Variants in BLM observed in about 807,000 individuals in gnomAD.
The protein encoded by BLM is BLM RecQ like helicase, also known as recQ-like DNA helicase BLM.
Under a neutral mutation model 135.3 loss-of-function variants are expected in BLM, and 95 were observed. The ratio of observed to expected loss-of-function variants is 0.70; its 90% CI spans 0.59 to 0.83. BLM has a LOEUF of 0.83. BLM is among the 40% of genes least tolerant of loss of function. BLM has a pLI of 0.00. For missense variants in BLM, 1,518 were observed against 1,663.9 expected (o/e 0.91, Z 1.53); for synonymous variants, 520 against 589.2 (o/e 0.88, Z 1.70).
intron 17 of BLM, among the ~76,000 whole-genome samples, chr15:90,799,823 C>T (rs1737467101): frequency 6.6e-6 from 1 of 151,144 alleles, no homozygotes; most frequent in Non-Finnish European, 1.5e-5. Flanking sequence ...TAGGAGTTCA[C>T]AGAAAAATGT....
rs1555418242 is a variant in BLM, at chr15:90,749,402, A to G, written c.134A>G (p.Asn45Ser). 2.2e-5 allele frequency: 35 copies of G among 1,606,862 alleles called. No homozygotes were observed. The East Asian group carries it at 7.6e-4, about 35-fold the overall frequency. ...TTTAAAAAGAAAACATCTTCAGATA[A>G]CAATGTATCTGTAACTAATGTGTCA... ...FTFKKKTSSDNNVSVTNVSVA... is the reference protein window; with the variant it reads ...FTFKKKTSSDSNVSVTNVSVA... The change falls in exon 3 of 22, where the codon AAC (asparagine) becomes AGC (serine). Residue 45 changes from asparagine to serine, a missense_variant. By Grantham distance (46) the Asn-to-Ser change is conservative. This residue lies in a region of BLM where 724 missense variants were observed against 756.9 expected (regional missense o/e 0.96). Transcript: ENST00000355112.
At chr15:90,801,198 A>C (rs1897158619) in intron 17 of BLM, among the ~76,000 whole-genome samples, 1 of 152,076 alleles carries the variant, frequency 6.6e-6, no homozygotes, top group Non-Finnish European at 1.5e-5. Context: ...ATGTACAAAA[A>C]AGTCATCCAT....
At chr15:90,764,972 G>A (rs188917522) in intron 8 of BLM, among the ~76,000 whole-genome samples, 35 of 152,240 alleles carry the variant, frequency 2.3e-4, no homozygotes, top group Non-Finnish European at 4.3e-4. Flanking sequence ...GGGAGGGTAA[G>A]GCATGACAAT....
intron 5 of BLM, among the ~76,000 whole-genome samples, chr15:90,759,475 C>G (rs1309427024): frequency 6.6e-6 from 1 of 151,834 alleles, no homozygotes; most frequent in Non-Finnish European, 1.5e-5. Flanking sequence ...GGCCTGTAGT[C>G]TCACCTACTT....
At chr15:90,773,503 T>C (rs567254664) in intron 12 of BLM, among the ~76,000 whole-genome samples, 1 of 145,352 alleles carries the variant, frequency 6.9e-6, no homozygotes, top group African/African-American at 2.5e-5. Context: ...AGTTGACACT[T>C]CAATGGCCTT....
rs1596257309 is a variant in BLM, at chr15:90,790,824, G to C, written c.2999G>C (p.Arg1000Thr). Reference sequence around the variant, plus strand: ...TTCTATACCTATCATGATGTGACCAGACTGAAAAGACTTATAATGAGTAAG... The same window carrying C: ...TTCTATACCTATCATGATGTGACCACACTGAAAAGACTTATAATGAGTAAG... ...LLFYTYHDVT[R>T]LKRLIMMEKD... The change falls in exon 15 of 22, where the codon AGA (arginine) becomes ACA (threonine). Residue 1000 changes from arginine (R) to threonine (T), a missense_variant. Physicochemically the swap from Arg to Thr is moderately conservative, Grantham distance 71. Coordinates refer to ENST00000355112, the MANE Select transcript of BLM (RefSeq NM_000057.4). 1.1e-5 allele frequency: 17 copies of C among 1,613,994 alleles called. No individual in the cohort carries two copies. Among genetic ancestry groups the C allele is most frequent in the Non-Finnish European group, 1.4e-5 (17 of 1,179,910 alleles).
rs2151202394 is a variant in BLM, at chr15:90,815,224, C to T, written c.4199C>T (p.Ala1400Val). 1.2e-6 allele frequency: 2 copies of T among 1,614,166 alleles called. No individual in the cohort carries two copies. Among genetic ancestry groups the T allele is most frequent in the Non-Finnish European group, 1.7e-6 (2 of 1,180,030 alleles). Residue 1400 changes from alanine (A) to valine (V), a missense_variant, in exon 22 of 22, where the codon GCT (alanine) becomes GTT (valine). Ala to Val is a moderately conservative substitution (Grantham distance 64). Transcript: ENST00000355112. This position sits in a 1 kb window ranked among gnomAD's most constrained non-coding sequence, Gnocchi z 4.6. ...SGANSKLGIMAPPKPINRPFL... is the reference protein window; with the variant it reads ...SGANSKLGIMVPPKPINRPFL... ...GCCAATAGCAAATTGGGGATTATGG[C>T]TCCACCGAAGCCTATAAATAGACCG... is the stretch of plus-strand genomic sequence containing the variant.
intron 5 of BLM, among the ~76,000 whole-genome samples, chr15:90,756,565 T>G (rs752833792): frequency 5.3e-5 from 8 of 152,236 alleles, no homozygotes; most frequent in Non-Finnish European, 1.0e-4. Flanking sequence ...TGCATTATAC[T>G]GTCTCTGTAT....
intron 1 of BLM, among the ~76,000 whole-genome samples, chr15:90,738,908 GA>G (rs1895291099): frequency 6.6e-6 from 1 of 152,162 alleles, no homozygotes; most frequent in African/African-American, 2.4e-5. Flanking sequence ...AACCACTGTG[GA>G]GAACAGTGTG....
intron 1 of BLM, among the ~76,000 whole-genome samples, chr15:90,736,753 A>AAT (rs201206247): frequency 4.1e-5 from 5 of 122,666 alleles, no homozygotes; most frequent in African/African-American, 2.3e-4. Context: ...AGTGATTTCT[A>AAT]ACATGAATGG....
chr15:90,804,434 A>G (rs974326085), intron 19 of BLM, 75 bp downstream of exon 19: 3 of 1,434,254 alleles, frequency 2.1e-6, no homozygotes, highest in Non-Finnish European at 2.9e-6. Flanking sequence ...GGAACTCCTT[A>G]AGTGATAAAT....
chr15:90,801,679 T>C (rs1259648434), intron 17 of BLM, among the ~76,000 whole-genome samples: 1 of 152,292 alleles, frequency 6.6e-6, no homozygotes, highest in Middle Eastern at 3.4e-3. Context: ...GGTAGCCACC[T>C]GAAGAGCTGA....
intron 5 of BLM, among the ~76,000 whole-genome samples, chr15:90,756,537 G>A (rs546741161): frequency 5.3e-5 from 8 of 152,266 alleles, no homozygotes; most frequent in South Asian, 2.1e-4. Flanking sequence ...AGGCTTTTGA[G>A]TTTTCATTGA....
chr15:90,793,121 T>G (rs72751860), intron 15 of BLM, among the ~76,000 whole-genome samples: 25,524 of 150,560 alleles, frequency 0.17, 2,296 homozygotes, highest in Non-Finnish European at 0.19. Context: ...AAAATAATAT[T>G]TTTTAAAAAT....
chr15:90,759,110 A>C (rs551792704), intron 5 of BLM, among the ~76,000 whole-genome samples: 1 of 152,368 alleles, frequency 6.6e-6, no homozygotes, highest in African/African-American at 2.4e-5. Flanking sequence ...TATTTATTAA[A>C]TATTATGAAA....
rs768843912 is a variant in BLM at position 90,749,494 on chromosome 15, C to A, written c.226C>A (p.Pro76Thr). 2.0e-5 allele frequency: 33 copies of A among 1,613,982 alleles called. No homozygotes were observed. Among genetic ancestry groups the A allele is most frequent in the Middle Eastern group, 1.6e-4 (1 of 6,084 alleles). The change falls in exon 3 of 22, where the codon CCT becomes ACT. Residue 76 changes from proline to threonine, a missense_variant. By Grantham distance (38) the Pro-to-Thr change is conservative. Around this residue, in one of 5 missense-constraint regions of BLM, gnomAD observed 724 missense variants for 756.9 expected, o/e 0.96. Transcript: ENST00000355112. The stretch of plus-strand genomic sequence containing the variant: ...TACCGAAGACTTTTCCTTCAGTGAA[C>A]CTCTACCCAACACCACAAATCAGCA... ...NVTEDFSFSE[P>T]LPNTTNQQRV...
intron 19 of BLM, 76 bp from the exon 20 acceptor site, chr15:90,809,061 A>C: frequency 6.3e-7 from 1 of 1,588,096 alleles, no homozygotes; most frequent in Non-Finnish European, 8.6e-7. Context: ...CGTGTGCTGA[A>C]TGCGTGAATG....
rs1895534435 is a variant in BLM, at chr15:90,747,451, C to T, written c.59C>T (p.Thr20Ile). 1 of 1,610,854 alleles carries T rather than the reference C, an allele frequency of 6.2e-7. No homozygotes were observed. Among genetic ancestry groups the T allele is most frequent in the African/African-American group, 1.3e-5 (1 of 74,870 alleles). Residue 20 changes from threonine to isoleucine, a missense_variant, in exon 2 of 22, where the codon ACA (threonine) becomes ATA (isoleucine). Thr to Ile is a moderately conservative substitution (Grantham distance 89). This residue lies in a region of BLM where 724 missense variants were observed against 756.9 expected (regional missense o/e 0.96). Coordinates refer to ENST00000355112, the MANE Select transcript of BLM (RefSeq NM_000057.4). ...CAACTAGAACGTCACTCAGCCAGAA[C>T]ACTTAATAATAAATTAAGTCTTTCA... Reference protein sequence around the residue: ...QEQLERHSARTLNNKLSLSKP... With the variant: ...QEQLERHSARILNNKLSLSKP...
intron 10 of BLM, among the ~76,000 whole-genome samples, chr15:90,768,099 T>C (rs1030897435): frequency 1.3e-5 from 2 of 151,874 alleles, no homozygotes; most frequent in African/African-American, 4.8e-5. Context: ...TGTGCCATGA[T>C]ACCTGGCTAA....
Sources: allele counts gnomAD v4.1 joint callset (sites outside exome capture counted in the v4.1 genomes callset), GRCh38; gene constraint gnomAD v4.1.1; regional missense constraint gnomAD v4.1.1; non-coding constraint Gnocchi (gnomAD v3.1); transcripts MANE v1.5; gene names NCBI Gene and HGNC (gene_info 2026-07-23, HGNC 2026-07-21).